ROR1: variants seen among roughly 807,000 people sequenced by gnomAD.
ROR1 encodes the protein inactive tyrosine-protein kinase transmembrane receptor ROR1.
In ROR1, 19 loss-of-function variants were observed where a neutral mutation model predicts 78.8. The ratio of observed to expected loss-of-function variants is 0.24; its 90% CI spans 0.17 to 0.35. The LOEUF is 0.35. Ranked by LOEUF, ROR1 falls within the 10% of genes least tolerant of loss-of-function variation. ROR1 has a pLI of 1.00. For synonymous variants in ROR1, 386 were observed against 433.6 expected (o/e 0.89, Z 1.36); for missense variants, 917 against 1,177.8 (o/e 0.78, Z 3.24).
intron 4 of ROR1, among the ~76,000 whole-genome samples, chr1:64,131,295 C>T (rs150905434): frequency 1.7e-4 from 26 of 152,270 alleles, no homozygotes; most frequent in African/African-American, 6.0e-4. Context: ...TATTTCACTG[C>T]TCTCTGTCCC....
intron 1 of ROR1, among the ~76,000 whole-genome samples, chr1:63,958,393 T>C (rs1366303164): frequency 1.3e-5 from 2 of 152,172 alleles, no homozygotes; most frequent in African/African-American, 4.8e-5. Flanking sequence ...GATTATGGTT[T>C]CGGGGGAAGA....
intron 1 of ROR1, among the ~76,000 whole-genome samples, chr1:63,981,378 G>T (rs956854377): frequency 1.3e-5 from 2 of 152,140 alleles, no homozygotes; most frequent in African/African-American, 4.8e-5. Context: ...GTGGCATTGG[G>T]GTGGAAGCCC....
chr1:63,867,501 A>C (rs748663823), intron 1 of ROR1, among the ~76,000 whole-genome samples: 1 of 152,220 alleles, frequency 6.6e-6, no homozygotes, highest in South Asian at 2.1e-4. Flanking sequence ...TGTGAAATCC[A>C]TGAAAAGATA....
chr1:63,994,677 G>T (rs1200295348), intron 1 of ROR1, among the ~76,000 whole-genome samples: 1 of 152,130 alleles, frequency 6.6e-6, no homozygotes, highest in Non-Finnish European at 1.5e-5. Context: ...TCATTGCATT[G>T]CTTCTCTCTC....
At chr1:64,057,840 A>G (rs1048459340) in intron 4 of ROR1, among the ~76,000 whole-genome samples, 1 of 152,096 alleles carries the variant, frequency 6.6e-6, no homozygotes, top group African/African-American at 2.4e-5. Context: ...GCATTTCCAT[A>G]TGAATTTTAG....
chr1:63,992,869 T>G (rs1646307086), intron 1 of ROR1, among the ~76,000 whole-genome samples: 1 of 152,208 alleles, frequency 6.6e-6, no homozygotes, highest in South Asian at 2.1e-4. Context: ...CTCTTCTTCC[T>G]GCCTCTTCTT....
intron 2 of ROR1, among the ~76,000 whole-genome samples, chr1:64,033,567 T>C (rs1646677726): frequency 6.6e-6 from 1 of 152,224 alleles, no homozygotes. Context: ...TGAAGTGGTT[T>C]AGAGGTTTTA....
chr1:64,018,063 A>G (rs192120648), intron 2 of ROR1, among the ~76,000 whole-genome samples: 10 of 152,130 alleles, frequency 6.6e-5, no homozygotes, highest in African/African-American at 2.4e-4. Context: ...TGTTGCACCC[A>G]CTTCAAAAAT....
At chr1:64,130,805 A>G (rs555150836) in intron 4 of ROR1, among the ~76,000 whole-genome samples, 10 of 152,348 alleles carry the variant, frequency 6.6e-5, no homozygotes, top group Non-Finnish European at 1.3e-4. Context: ...TTTATAATGT[A>G]GCCCCATTTT....
chr1:63,907,218 G>T (rs1201999124), intron 1 of ROR1, among the ~76,000 whole-genome samples: 1 of 152,160 alleles, frequency 6.6e-6, no homozygotes, highest in Non-Finnish European at 1.5e-5. Context: ...ATAATATTTT[G>T]CCCAGGAGTA....
chr1:64,024,682 T>G (rs1403533259), intron 2 of ROR1, among the ~76,000 whole-genome samples: 1 of 152,154 alleles, frequency 6.6e-6, no homozygotes, highest in Non-Finnish European at 1.5e-5. Context: ...TACTACACAG[T>G]GTTCTCTTAA....
chr1:64,103,963 GTA>G (rs925492581), intron 4 of ROR1, among the ~76,000 whole-genome samples: 89 of 152,156 alleles, frequency 5.8e-4, no homozygotes, highest in African/African-American at 2.1e-3. Context: ...AACTGGAAAG[GTA>G]TTATATGAGC....
chr1:63,916,325 C>A (rs1645609562), intron 1 of ROR1, among the ~76,000 whole-genome samples: 1 of 152,108 alleles, frequency 6.6e-6, no homozygotes, highest in African/African-American at 2.4e-5. Flanking sequence ...GGTGGAAAAC[C>A]AAGTGGCACA....
chr1:64,112,837 C>A (rs6674007), intron 4 of ROR1, among the ~76,000 whole-genome samples: 18,049 of 152,150 alleles, frequency 0.12, 1,156 homozygotes, highest in Non-Finnish European at 0.13. Flanking sequence ...TATCAGCCAA[C>A]CCTGACTCTT....
chr1:64,011,165 A>AT (rs1458698397), intron 2 of ROR1, among the ~76,000 whole-genome samples: 2 of 152,112 alleles, frequency 1.3e-5, no homozygotes, highest in African/African-American at 2.4e-5. Context: ...CATTTAGAAT[A>AT]TTTTTTCTAT....
intron 2 of ROR1, among the ~76,000 whole-genome samples, chr1:64,013,398 T>C (rs1350371467): frequency 1.3e-5 from 2 of 152,178 alleles, no homozygotes; most frequent in South Asian, 2.1e-4. Flanking sequence ...TGACTCTTCT[T>C]ATCTTACCTC....
chr1:64,052,486 T>C (rs1646840826), intron 4 of ROR1, among the ~76,000 whole-genome samples: 1 of 152,218 alleles, frequency 6.6e-6, no homozygotes, highest in African/African-American at 2.4e-5. Context: ...TATGTTCTTC[T>C]TGAAGTTTTC....
intron 4 of ROR1, among the ~76,000 whole-genome samples, chr1:64,128,431 C>T (rs538583471): frequency 2.6e-5 from 4 of 151,916 alleles, no homozygotes; most frequent in African/African-American, 4.8e-5. Flanking sequence ...GTCTCACCAC[C>T]GCACTCCAGC....
At position 63,869,053 on chromosome 1, in the gene ROR1, A is replaced by G. The variant is rs528345057; in HGVS notation, c.91+94545A>G. Among the ~76,000 whole-genome samples the G allele has an allele frequency of 1.3e-3, 195 of 152,280 alleles. 1 individual carries two copies. Among genetic ancestry groups the G allele is most frequent in the African/African-American group, 4.4e-3 (181 of 41,556 alleles). ...AACAGCATCTATTAAGTGATTGCAG[A>G]GTCTCATGACTTGGTTGTGTTGGAA... On this transcript the variant is annotated intron_variant, in intron 1 of 8. Coordinates refer to ENST00000371079, the MANE Select transcript of ROR1 (RefSeq NM_005012.4).
Sources: allele counts gnomAD v4.1 joint callset (sites outside exome capture counted in the v4.1 genomes callset), GRCh38; gene constraint gnomAD v4.1.1; transcripts MANE v1.5; gene names NCBI Gene and HGNC (gene_info 2026-07-23, HGNC 2026-07-21).